Variants in MYO3B observed in about 807,000 individuals in gnomAD.
MYO3B encodes myosin IIIB, also known as myosin-IIIb.
MYO3B carries 156 observed loss-of-function variants against 174.6 expected under a neutral mutation model. The ratio of observed to expected loss-of-function variants is 0.89; its 90% CI spans 0.78 to 1.02. MYO3B has a LOEUF of 1.02. Ranked by LOEUF, MYO3B falls within the 50% of genes least tolerant of loss-of-function variation. The probability of loss-of-function intolerance (pLI) is 0.00; values close to 1 mark genes in which losing one functional copy is unlikely to be tolerated. For synonymous variants in MYO3B, 563 were observed against 569.1 expected (o/e 0.99, Z 0.15); for missense variants, 1,632 against 1,639.4 (o/e 1.00, Z 0.08).
At chr2:170,308,508 T>C (rs1574759160) in intron 7 of MYO3B, among the ~76,000 whole-genome samples, 1 of 152,290 alleles carries the variant, frequency 6.6e-6, no homozygotes, top group Non-Finnish European at 1.5e-5. Flanking sequence ...ATTTTGACAT[T>C]TATGTAGGGA....
chr2:170,495,013 G>T (rs969574559), intron 25 of MYO3B, among the ~76,000 whole-genome samples: 3 of 152,142 alleles, frequency 2.0e-5, no homozygotes, highest in Non-Finnish European at 4.4e-5. Flanking sequence ...TTCTGACTCT[G>T]AACTCAGTGC....
intron 28 of MYO3B, among the ~76,000 whole-genome samples, chr2:170,510,058 C>T (rs528158059): frequency 3.9e-4 from 60 of 152,288 alleles, no homozygotes; most frequent in African/African-American, 1.4e-3. Context: ...TAGCCATTCT[C>T]GTCAATAAAG....
intron 8 of MYO3B, among the ~76,000 whole-genome samples, chr2:170,363,523 C>T (rs2094176880): frequency 6.6e-6 from 1 of 152,062 alleles, no homozygotes; most frequent in African/African-American, 2.4e-5. Context: ...CTTGAGAGCC[C>T]GACCTTGTTT....
rs760300927 is a variant in MYO3B, at chr2:170,651,633, G to A, written c.3739G>A (p.Glu1247Lys). ...LWGAPQKPGS[E>K]NGLAQKHRTP... ...AAGTTTTGCTCTTTTTTCAGGTTCA[G>A]AAAATGGTCTTGCACAGAAGCATCG... Residue 1247 changes from glutamate (E) to lysine (K), a missense_variant, in exon 33 of 35, where the codon GAA becomes AAA. Glu to Lys is a moderately conservative substitution (Grantham distance 56). Transcript: ENST00000408978. 6.2e-7 allele frequency: 1 copy of A among 1,614,026 alleles called. No individual in the cohort carries two copies. The highest frequency in any genetic ancestry group is 8.5e-7 in the Non-Finnish European group (1 of 1,179,984).
intron 11 of MYO3B, among the ~76,000 whole-genome samples, chr2:170,383,498 C>T (rs761736909): frequency 5.9e-5 from 9 of 152,142 alleles, no homozygotes; most frequent in Admixed American, 2.0e-4. Flanking sequence ...GGAGACTTAG[C>T]ATAGAGTGAA....
chr2:170,370,452 T>C (rs189252572), intron 9 of MYO3B, among the ~76,000 whole-genome samples: 50 of 152,254 alleles, frequency 3.3e-4, no homozygotes, highest in African/African-American at 1.2e-3. Context: ...CTTTTTCCAC[T>C]GCCTTTTCTG....
At chr2:170,297,520 G>A (rs1336890139) in intron 7 of MYO3B, among the ~76,000 whole-genome samples, 1 of 152,110 alleles carries the variant, frequency 6.6e-6, no homozygotes, top group Non-Finnish European at 1.5e-5. Flanking sequence ...GAATATTGAT[G>A]TTCATATCTA....
At chr2:170,255,819 G>A (rs2093300046) in intron 7 of MYO3B, among the ~76,000 whole-genome samples, 1 of 152,242 alleles carries the variant, frequency 6.6e-6, no homozygotes, top group African/African-American at 2.4e-5. Flanking sequence ...TGTCTGAAAT[G>A]ACAGACATAG....
At chr2:170,479,363 T>C (rs1219313121) in intron 25 of MYO3B, among the ~76,000 whole-genome samples, 1 of 147,098 alleles carries the variant, frequency 6.8e-6, no homozygotes, top group East Asian at 1.9e-4. Flanking sequence ...TATATATTTA[T>C]ATATAAAAAT....
At chr2:170,440,121 C>T (rs1295004459) in intron 22 of MYO3B, among the ~76,000 whole-genome samples, 1 of 151,850 alleles carries the variant, frequency 6.6e-6, no homozygotes, top group East Asian at 1.9e-4. Context: ...ATTATTTTAC[C>T]CCATTGTATA....
intron 32 of MYO3B, among the ~76,000 whole-genome samples, chr2:170,595,414 T>A (rs1694082576): frequency 6.6e-6 from 1 of 152,092 alleles, no homozygotes; most frequent in African/African-American, 2.4e-5. Context: ...CCTCTTCTTG[T>A]TTACTGTTAT....
At chr2:170,315,548 C>T (rs974286505) in intron 7 of MYO3B, among the ~76,000 whole-genome samples, 4 of 152,078 alleles carry the variant, frequency 2.6e-5, no homozygotes, top group East Asian at 1.9e-4. Context: ...TCAGGTGACC[C>T]GCCTGTCTCA....
intron 1 of MYO3B, among the ~76,000 whole-genome samples, chr2:170,190,255 G>A (rs1179118254): frequency 6.6e-6 from 1 of 152,164 alleles, no homozygotes; most frequent in African/African-American, 2.4e-5. Context: ...GGTGACAGAA[G>A]TACCCCTATG....
At chr2:170,631,271 G>T (rs192074041) in intron 32 of MYO3B, among the ~76,000 whole-genome samples, 1 of 152,144 alleles carries the variant, frequency 6.6e-6, no homozygotes, top group African/African-American at 2.4e-5. Flanking sequence ...TTCAGTAGCC[G>T]ACTCTATCAA....
intron 23 of MYO3B, among the ~76,000 whole-genome samples, chr2:170,444,827 C>G (rs1005001231): frequency 6.6e-6 from 1 of 152,044 alleles, no homozygotes; most frequent in Non-Finnish European, 1.5e-5. Context: ...TTGTAATACC[C>G]TACATTTCAA....
intron 29 of MYO3B, among the ~76,000 whole-genome samples, chr2:170,516,523 G>A (rs1054755825): frequency 6.6e-6 from 1 of 151,746 alleles, no homozygotes; most frequent in Non-Finnish European, 1.5e-5. Flanking sequence ...GGCACCTGTA[G>A]TCCCAGCTGC....
At chr2:170,228,952 T>A (rs1164734482) in intron 6 of MYO3B, among the ~76,000 whole-genome samples, 1 of 105,208 alleles carries the variant, frequency 9.5e-6, no homozygotes, top group Non-Finnish European at 1.8e-5. Flanking sequence ...TAGTCCATAT[T>A]CCCTTTACAA....
chr2:170,375,406 C>T (rs557943199), intron 9 of MYO3B, among the ~76,000 whole-genome samples: 2 of 152,098 alleles, frequency 1.3e-5, no homozygotes, highest in African/African-American at 2.4e-5. Flanking sequence ...TCCAGCATGC[C>T]GTGCCCCTGC....
intron 7 of MYO3B, among the ~76,000 whole-genome samples, chr2:170,288,008 C>G (rs2093569163): frequency 6.6e-6 from 1 of 151,954 alleles, no homozygotes; most frequent in Admixed American, 6.6e-5. Flanking sequence ...TTCTTGGTAC[C>G]TTTGTCAAAG....
Sources: allele counts gnomAD v4.1 joint callset (sites outside exome capture counted in the v4.1 genomes callset), GRCh38; gene constraint gnomAD v4.1.1; transcripts MANE v1.5; gene names NCBI Gene and HGNC (gene_info 2026-07-23, HGNC 2026-07-21).